Variants in EYS observed in about 807,000 individuals in gnomAD.
The protein encoded by EYS is EGF-like photoreceptor maintenance factor.
In EYS, 250 loss-of-function variants were observed where a neutral mutation model predicts 282.1. That is an observed-to-expected ratio of 0.89 (90% CI 0.80 to 0.98). The LOEUF (loss-of-function observed/expected upper bound fraction) is 0.98. EYS is among the 50% of genes least tolerant of loss of function. The pLI is 0.00. For missense variants in EYS, 4,016 were observed against 3,709.0 expected (o/e 1.08, Z -2.15); for synonymous variants, 1,355 against 1,282.9 (o/e 1.06, Z -1.20).
chr6:64,683,800 T>C (rs914606929), intron 22 of EYS, among the ~76,000 whole-genome samples: 1 of 152,148 alleles, frequency 6.6e-6, no homozygotes, highest in Admixed American at 6.6e-5. Context: ...CAGACCGTGG[T>C]GAGAGTGGAA....
At chr6:63,840,902 T>C (rs149461811) in intron 36 of EYS, among the ~76,000 whole-genome samples, 2 of 152,326 alleles carry the variant, frequency 1.3e-5, no homozygotes, top group Non-Finnish European at 2.9e-5. Context: ...TCAATGTGTC[T>C]GTTTATATGC....
intron 5 of EYS, among the ~76,000 whole-genome samples, chr6:65,424,128 A>C (rs1298911013): frequency 6.6e-6 from 1 of 151,830 alleles, no homozygotes. Flanking sequence ...TCAGCCAAAG[A>C]CTGCCAACAT....
chr6:64,414,893 C>A (rs930567667), intron 28 of EYS, among the ~76,000 whole-genome samples: 6 of 152,026 alleles, frequency 3.9e-5, no homozygotes, highest in African/African-American at 1.4e-4. Context: ...GTAAAACACA[C>A]TTTTTACTTG....
At position 64,678,720 on chromosome 6, in the gene EYS, C is replaced by G. The variant is rs370463508; in HGVS notation, c.3444-52475G>C. Among the ~76,000 whole-genome samples the G allele has an allele frequency of 3.9e-5, 6 of 152,240 alleles. No homozygotes were observed. The South Asian group carries it at 1.0e-3, about 26-fold the overall frequency. ...TCATTTTGAGGCCTGCACAGTGGCT[C>G]TCGCCTGTCATCCCAGCACTTTGGG... On this transcript the variant is annotated intron_variant, in intron 22 of 42. Transcript: ENST00000503581.
chr6:65,046,843 T>A (rs1300767587), intron 13 of EYS, among the ~76,000 whole-genome samples: 1 of 151,920 alleles, frequency 6.6e-6, no homozygotes. Context: ...GTTTGTATTA[T>A]GGGGGCAGAT....
At chr6:64,569,657 C>T (rs769814002) in intron 26 of EYS, among the ~76,000 whole-genome samples, 7 of 151,852 alleles carry the variant, frequency 4.6e-5, no homozygotes, top group South Asian at 2.1e-4. Flanking sequence ...AGGAGAATTG[C>T]GTGAACCCGG....
intron 22 of EYS, among the ~76,000 whole-genome samples, chr6:64,763,028 G>A (rs1460705781): frequency 2.6e-5 from 4 of 152,208 alleles, no homozygotes; most frequent in East Asian, 3.9e-4. Flanking sequence ...TGGGAATTAT[G>A]AACACAATAT....
chr6:65,057,807 G>A (rs1773462435), intron 12 of EYS, 80 bp from the exon 13 acceptor site: 2 of 968,410 alleles, frequency 2.1e-6, no homozygotes, highest in Non-Finnish European at 1.6e-6. Context: ...ATTTGCACAA[G>A]CCTTTAATCC....
In EYS at chr6:64,184,206, C is replaced by A. The variant is rs562591925; in HGVS notation, c.6424+46386G>T. 5.3e-5 allele frequency among the ~76,000 whole-genome samples: 8 copies of A among 152,144 alleles called. No homozygotes were observed. In the South Asian group the frequency reaches 1.7e-3, roughly 32 times the overall value. On this transcript the variant is annotated intron_variant, in intron 31 of 42. Coordinates refer to ENST00000503581, the MANE Select transcript of EYS (RefSeq NM_001142800.2). Reference sequence around the variant, plus strand: ...CTGTCTCTTGTGTTAGAATATAAGCCACATGTGGGCAAGTGTCTCGTCTGT... The same window carrying A: ...CTGTCTCTTGTGTTAGAATATAAGCAACATGTGGGCAAGTGTCTCGTCTGT...
At chr6:64,294,613 G>C (rs913715251) in intron 30 of EYS, among the ~76,000 whole-genome samples, 1 of 152,118 alleles carries the variant, frequency 6.6e-6, no homozygotes, top group Admixed American at 6.5e-5. Flanking sequence ...CAAATTAGTG[G>C]AGAGCTTCAA....
chr6:65,512,325 T>C (rs979338456), intron 2 of EYS, among the ~76,000 whole-genome samples: 3 of 151,810 alleles, frequency 2.0e-5, no homozygotes, highest in Non-Finnish European at 4.4e-5. Flanking sequence ...ACCCCATTTC[T>C]ACTAAAAATA....
intron 19 of EYS, among the ~76,000 whole-genome samples, chr6:64,837,772 C>T (rs1488827584): frequency 1.3e-5 from 2 of 149,780 alleles, no homozygotes; most frequent in East Asian, 3.9e-4. Flanking sequence ...GATACAAAAT[C>T]AACTTACCAA....
At chr6:63,872,330 A>G (rs1013204740) in intron 35 of EYS, among the ~76,000 whole-genome samples, 1 of 151,746 alleles carries the variant, frequency 6.6e-6, no homozygotes, top group Non-Finnish European at 1.5e-5. Flanking sequence ...GTGTGTGTGC[A>G]CAAGTGTGTA....
intron 31 of EYS, among the ~76,000 whole-genome samples, chr6:64,196,396 A>G (rs891297092): frequency 1.3e-5 from 2 of 152,236 alleles, no homozygotes; most frequent in South Asian, 2.1e-4. Context: ...ATTACTGGGT[A>G]TACACCCAAA....
At chr6:64,740,717 T>A (rs1489611828) in intron 22 of EYS, among the ~76,000 whole-genome samples, 1 of 1,918 alleles carries the variant, frequency 5.2e-4, no homozygotes, top group East Asian at 0.062. Context: ...TATGTCCACT[T>A]TTTTTTTTTT....
At chr6:65,204,356 C>T (rs1239853637) in intron 12 of EYS, among the ~76,000 whole-genome samples, 1 of 151,034 alleles carries the variant, frequency 6.6e-6, no homozygotes, top group Admixed American at 6.6e-5. Context: ...CAGACTACAG[C>T]AGACTTCCTA....
At chr6:64,302,130 T>G (rs897895082) in intron 30 of EYS, among the ~76,000 whole-genome samples, 14 of 152,222 alleles carry the variant, frequency 9.2e-5, no homozygotes, top group African/African-American at 3.4e-4. Flanking sequence ...ACTGCCCGGT[T>G]TATTGGCTTA....
At chr6:64,260,195 T>C (rs1767542851) in intron 30 of EYS, among the ~76,000 whole-genome samples, 1 of 152,068 alleles carries the variant, frequency 6.6e-6, no homozygotes, top group Non-Finnish European at 1.5e-5. Context: ...GCAGCTAGGA[T>C]TGCTGGAGTT....
intron 1 of EYS, among the ~76,000 whole-genome samples, chr6:65,688,794 C>T (rs1409522422): frequency 4.0e-5 from 6 of 151,158 alleles, no homozygotes; most frequent in Non-Finnish European, 8.8e-5. Flanking sequence ...CACTGGCCAT[C>T]AGAGAAATGC....
Sources: gnomAD v4.1 joint callset for allele counts (sites outside exome capture counted in the v4.1 genomes callset) on GRCh38, gnomAD v4.1.1 for gene constraint, MANE v1.5 for transcripts, NCBI Gene and HGNC (gene_info 2026-07-23, HGNC 2026-07-21) for gene names.